Variants in LRRC4C observed in about 807,000 individuals in gnomAD.
LRRC4C encodes leucine-rich repeat-containing protein 4C.
In LRRC4C, 5 loss-of-function variants were observed where a neutral mutation model predicts 33.6. The observed-to-expected ratio is 0.15, with a 90% CI of 0.08 to 0.31. The LOEUF (loss-of-function observed/expected upper bound fraction) is 0.31. LRRC4C is among the 10% of genes least tolerant of loss of function. The pLI is 1.00. For synonymous variants in LRRC4C, 329 were observed against 302.0 expected (o/e 1.09, Z -0.93); for missense variants, 560 against 796.7 (o/e 0.70, Z 3.58).
At chr11:41,153,739 T>C (rs1420890889) in intron 1 of LRRC4C, among the ~76,000 whole-genome samples, 2 of 152,174 alleles carry the variant, frequency 1.3e-5, no homozygotes, top group South Asian at 4.1e-4. Flanking sequence ...CCCTTTGTAG[T>C]AGATTAAATT....
intron 1 of LRRC4C, among the ~76,000 whole-genome samples, chr11:41,399,865 G>T (rs1020571644): frequency 2.4e-4 from 36 of 151,902 alleles, no homozygotes; most frequent in African/African-American, 8.7e-4. Flanking sequence ...AATGAAGTTG[G>T]ACTGTGCTAC....
At chr11:41,374,374 A>T (rs1056205175) in intron 1 of LRRC4C, among the ~76,000 whole-genome samples, 16 of 151,740 alleles carry the variant, frequency 1.1e-4, no homozygotes, top group South Asian at 2.1e-4. Context: ...GAGAAAAATT[A>T]AAAAAAAACT....
intron 2 of LRRC4C, among the ~76,000 whole-genome samples, chr11:40,766,198 G>A (rs10837499): frequency 0.78 from 117,876 of 150,678 alleles, 46,246 homozygotes; most frequent in Middle Eastern, 0.86. Context: ...TAAGGAAAAT[G>A]AAAACAAATT....
intron 1 of LRRC4C, among the ~76,000 whole-genome samples, chr11:41,380,548 T>G (rs1225294628): frequency 1.3e-5 from 2 of 152,082 alleles, no homozygotes; most frequent in Non-Finnish European, 2.9e-5. Context: ...ATATGAATCT[T>G]AAAAATATAA....
chr11:40,249,736 T>TA (rs1408252802), intron 4 of LRRC4C, among the ~76,000 whole-genome samples: 3 of 152,036 alleles, frequency 2.0e-5, no homozygotes, highest in Admixed American at 6.6e-5. Flanking sequence ...CTCTGTTCCC[T>TA]AAAAAAGGCC....
At chr11:40,520,926 G>T (rs1955784008) in intron 3 of LRRC4C, among the ~76,000 whole-genome samples, 1 of 151,872 alleles carries the variant, frequency 6.6e-6, no homozygotes, top group Non-Finnish European at 1.5e-5. Context: ...AGGGATATAG[G>T]TTATTAATAT....
chr11:40,367,660 C>A (rs1160050025), intron 3 of LRRC4C, among the ~76,000 whole-genome samples: 1 of 152,022 alleles, frequency 6.6e-6, no homozygotes, highest in African/African-American at 2.4e-5. Context: ...TTTTGGAGAA[C>A]TTAGTTATCC....
chr11:41,027,330 A>G (rs1856444793), intron 1 of LRRC4C, among the ~76,000 whole-genome samples: 1 of 151,670 alleles, frequency 6.6e-6, no homozygotes, highest in African/African-American at 2.4e-5. Context: ...CCTTGGGAAA[A>G]CTTAGAGTTG....
chr11:41,036,313 C>A (rs918359469), intron 1 of LRRC4C, among the ~76,000 whole-genome samples: 2 of 152,082 alleles, frequency 1.3e-5, no homozygotes, highest in Admixed American at 6.5e-5. Context: ...GTTTTCAAGG[C>A]ATTATAGCAG....
chr11:40,592,740 C>G (rs964900894), intron 3 of LRRC4C, among the ~76,000 whole-genome samples: 2 of 152,144 alleles, frequency 1.3e-5, no homozygotes, highest in Non-Finnish European at 2.9e-5. Context: ...CTGTCATCTC[C>G]CACTCTGGCA....
chr11:41,110,937 C>T (rs1020811123), intron 1 of LRRC4C, among the ~76,000 whole-genome samples: 1 of 151,758 alleles, frequency 6.6e-6, no homozygotes, highest in Admixed American at 6.6e-5. Context: ...AAGTTCACCC[C>T]CAGAATTTCT....
chr11:40,246,776 G>A (rs1866375313), intron 4 of LRRC4C, among the ~76,000 whole-genome samples: 1 of 151,862 alleles, frequency 6.6e-6, no homozygotes, highest in Non-Finnish European at 1.5e-5. Flanking sequence ...ATTCACTACT[G>A]ATTTAACTTT....
intron 1 of LRRC4C, among the ~76,000 whole-genome samples, chr11:41,112,661 C>T (rs1941902801): frequency 6.6e-6 from 1 of 152,010 alleles, no homozygotes; most frequent in South Asian, 2.1e-4. Flanking sequence ...ATCATGTACT[C>T]TCCTTTCTGA....
In LRRC4C at chr11:40,313,892, C is replaced by A. The variant is rs568667179; in HGVS notation, c.-176+5736G>T. On this transcript the variant is annotated intron_variant, in intron 4 of 6. Transcript: ENST00000528697. ...CCTCCCAAAGTGCTGGGATTACAGG[C>A]GTGAGCCGCCGCGCCCGGCCCGTGG... Among the ~76,000 whole-genome samples, 55 of 152,078 alleles carry A rather than the reference C, an allele frequency of 3.6e-4. 2 individuals are homozygous for A. The highest frequency in any genetic ancestry group is 1.3e-3 in the African/African-American group (55 of 41,434).
intron 2 of LRRC4C, among the ~76,000 whole-genome samples, chr11:40,693,126 C>T (rs1945307203): frequency 6.6e-6 from 1 of 151,992 alleles, no homozygotes; most frequent in South Asian, 2.1e-4. Context: ...ACACACACAC[C>T]TCTGCACACT....
At chr11:40,266,752 A>T (rs1942290295) in intron 4 of LRRC4C, among the ~76,000 whole-genome samples, 1 of 152,164 alleles carries the variant, frequency 6.6e-6, no homozygotes, top group Non-Finnish European at 1.5e-5. Flanking sequence ...AAGGTAAGAA[A>T]ACTGATGAAG....
chr11:40,642,471 A>T lies in LRRC4C; in HGVS notation c.-270+5671T>A, dbSNP rs1432224397. Among the ~76,000 whole-genome samples the T allele has an allele frequency of 2.0e-5, 3 of 152,166 alleles. No individual in the cohort carries two copies. In the East Asian group the frequency reaches 5.8e-4, roughly 29 times the overall value. ...CATAGCAAGCCATGTGTGATGACTAATGTACTACATTAGGCACTAGCAGCA... is the reference window on the plus strand; with the variant it reads ...CATAGCAAGCCATGTGTGATGACTATTGTACTACATTAGGCACTAGCAGCA... On this transcript the variant is annotated intron_variant, in intron 3 of 6. Coordinates refer to ENST00000528697, the MANE Select transcript of LRRC4C (RefSeq NM_001258419.2).
intron 2 of LRRC4C, among the ~76,000 whole-genome samples, chr11:40,774,904 T>C (rs932509509): frequency 1.3e-5 from 2 of 152,150 alleles, no homozygotes; most frequent in African/African-American, 4.8e-5. Context: ...GCATCAATCT[T>C]GCAAGTGCAC....
chr11:41,052,845 T>C (rs2138150817), intron 1 of LRRC4C, among the ~76,000 whole-genome samples: 1 of 152,366 alleles, frequency 6.6e-6, no homozygotes, highest in South Asian at 2.1e-4. Context: ...CTTTTAATTT[T>C]CCTTTGATAC....
Sources: gnomAD v4.1 joint callset for allele counts (sites outside exome capture counted in the v4.1 genomes callset) on GRCh38, gnomAD v4.1.1 for gene constraint, MANE v1.5 for transcripts, NCBI Gene and HGNC (gene_info 2026-07-23, HGNC 2026-07-21) for gene names.